Variants in KIF13A observed in about 807,000 individuals in gnomAD.
KIF13A encodes the protein kinesin-like protein KIF13A.
A neutral mutation model predicts 212.2 loss-of-function variants in KIF13A; 79 were observed. The ratio of observed to expected loss-of-function variants is 0.37; its 90% CI spans 0.31 to 0.45. The LOEUF is 0.45. KIF13A is among the 20% of genes least tolerant of loss of function. KIF13A has a pLI of 1.00. For synonymous variants in KIF13A, 789 were observed against 808.6 expected (o/e 0.98, Z 0.41); for missense variants, 1,901 against 2,209.0 (o/e 0.86, Z 2.79).
chr6:17,981,024 CT>C (rs71687340), intron 2 of KIF13A, among the ~76,000 whole-genome samples: 38,168 of 142,472 alleles, frequency 0.27, 5,094 homozygotes, highest in Admixed American at 0.37. Context: ...AAGAGGGGGA[CT>C]TTTTTTTTTT....
rs1203286598 is a variant in KIF13A at position 17,871,674 on chromosome 6, G to GT, written c.220+1702dup. On this transcript the variant is annotated intron_variant, in intron 4 of 38. Coordinates refer to ENST00000259711, the MANE Select transcript of KIF13A (RefSeq NM_022113.6). The surrounding 1 kb of genome is among the most constrained non-coding windows in gnomAD (Gnocchi z 4.4). ...AGTCCCAGAAGAGACAGTGGAGAAG[G>GT]TAGAATGGGGTTATATAATAAAGGA... Among the ~76,000 whole-genome samples, 1 of 152,110 alleles carries GT rather than the reference G, an allele frequency of 6.6e-6. No homozygotes were observed. The highest frequency in any genetic ancestry group is 1.5e-5 in the Non-Finnish European group (1 of 68,034).
intron 17 of KIF13A, among the ~76,000 whole-genome samples, chr6:17,813,278 G>C (rs1431377995): frequency 6.6e-6 from 1 of 152,106 alleles, no homozygotes; most frequent in Non-Finnish European, 1.5e-5. Context: ...TCAGGGGTTC[G>C]AGACCAGCCT....
At chr6:17,909,538 AAAAAAAAAAAGG>A (rs1773842444) in intron 2 of KIF13A, among the ~76,000 whole-genome samples, 1 of 149,736 alleles carries the variant, frequency 6.7e-6, no homozygotes, top group Non-Finnish European at 1.5e-5. Flanking sequence ...CTGTCTCAGA[AAAAAAAAAAAGG>A]AAAAAAAAAA....
chr6:17,955,150 T>A (rs767650231), intron 2 of KIF13A, among the ~76,000 whole-genome samples: 1 of 152,174 alleles, frequency 6.6e-6, no homozygotes, highest in African/African-American at 2.4e-5. Flanking sequence ...ACTATACATG[T>A]CTTTACATTC....
intron 9 of KIF13A, among the ~76,000 whole-genome samples, chr6:17,841,135 C>G (rs1304638097): frequency 6.7e-6 from 1 of 149,250 alleles, no homozygotes; most frequent in Non-Finnish European, 1.5e-5. Context: ...GGCACTGGCA[C>G]AATCATGGCT....
intron 2 of KIF13A, among the ~76,000 whole-genome samples, chr6:17,970,384 C>G (rs1309078316): frequency 6.6e-6 from 1 of 151,716 alleles, no homozygotes; most frequent in African/African-American, 2.4e-5. Flanking sequence ...GTGGGGATCA[C>G]TTGAGGCCAG....
intron 12 of KIF13A, among the ~76,000 whole-genome samples, chr6:17,832,147 G>A (rs1220210226): frequency 1.3e-5 from 2 of 152,150 alleles, no homozygotes; most frequent in Non-Finnish European, 2.9e-5. Flanking sequence ...CTGCTGTTAA[G>A]CTACGTGATT....
intron 3 of KIF13A, among the ~76,000 whole-genome samples, chr6:17,880,460 C>A (rs1770953990): frequency 6.6e-6 from 1 of 151,798 alleles, no homozygotes; most frequent in Non-Finnish European, 1.5e-5. Flanking sequence ...AACCCCATCT[C>A]TACTAAAGAT....
intron 20 of KIF13A, among the ~76,000 whole-genome samples, chr6:17,803,558 C>T (rs946396310): frequency 2.0e-4 from 31 of 152,228 alleles, no homozygotes; most frequent in African/African-American, 7.2e-4. Context: ...CCTACCTAGG[C>T]CACTATATCT....
intron 9 of KIF13A, among the ~76,000 whole-genome samples, chr6:17,840,049 G>A (rs1705343888): frequency 6.6e-6 from 1 of 152,160 alleles, no homozygotes; most frequent in South Asian, 2.1e-4. Context: ...AATCTATAGA[G>A]ATGGAGGCAG....
chr6:17,845,554 T>C (rs776287429), intron 9 of KIF13A, among the ~76,000 whole-genome samples: 9 of 152,182 alleles, frequency 5.9e-5, no homozygotes, highest in Non-Finnish European at 8.8e-5. Context: ...TTGCATTTAG[T>C]GACTAGCCAT....
rs201753966 is a variant in KIF13A at position 17,764,790 on chromosome 6, G to A, written c.4738C>T (p.Arg1580Trp). 86 of 1,613,146 alleles carry A rather than the reference G, an allele frequency of 5.3e-5. No homozygotes were observed. The African/African-American group carries it at 8.8e-4, about 17-fold the overall frequency. The change falls in exon 39 of 39, where the codon CGG (arginine) becomes TGG (tryptophan). Residue 1580 changes from arginine (R) to tryptophan (W), a missense_variant. By Grantham distance (101) the Arg-to-Trp change is moderately radical. Coordinates refer to ENST00000259711, the MANE Select transcript of KIF13A (RefSeq NM_022113.6). This position sits in a 1 kb window ranked among gnomAD's most constrained non-coding sequence, Gnocchi z 5.1. ...CGGGACACTTCTTTCTCCAAGACCC[G>A]TGAGTTTGACAGATCTACTTTAGAG... is the stretch of plus-strand genomic sequence containing the variant. ...FSSKVDLSNS[R>W]VLEKEVSRSP...
chr6:17,854,546 A>AT (rs36073765), intron 6 of KIF13A, among the ~76,000 whole-genome samples: 24,951 of 76,868 alleles, frequency 0.32, 7,843 homozygotes, highest in Non-Finnish European at 0.38. Flanking sequence ...AATCAGTATA[A>AT]TTTTTTTTTT....
At chr6:17,820,232 C>T (rs537880311) in intron 16 of KIF13A, among the ~76,000 whole-genome samples, 23 of 152,210 alleles carry the variant, frequency 1.5e-4, no homozygotes, top group African/African-American at 5.1e-4. Context: ...AATTGAAGTG[C>T]AAATACAGAA....
rs978790016 is a variant in KIF13A, at chr6:17,828,610, T to G, written c.1402-240A>C. Among the ~76,000 whole-genome samples the G allele has an allele frequency of 3.9e-5, 6 of 152,236 alleles. No homozygotes were observed. Among genetic ancestry groups the G allele is most frequent in the Admixed American group, 1.3e-4 (2 of 15,280 alleles). On this transcript the variant is annotated intron_variant, in intron 13 of 38. Transcript: ENST00000259711. The surrounding 1 kb of genome is among the most constrained non-coding windows in gnomAD (Gnocchi z 4.3). ...CCAATCAACAATGATTAGTTATTGTTTTTAACACAGGAAATTGGACTTGAC... is the reference window on the plus strand; with the variant it reads ...CCAATCAACAATGATTAGTTATTGTGTTTAACACAGGAAATTGGACTTGAC...
In KIF13A at chr6:17,987,034, C is replaced by T. The variant is rs1012718699; in HGVS notation, c.146+20G>A. Reference sequence around the variant, plus strand: ...CGCGAGGCTGGATCCTCCCAGCCGCCCTCTCGGAACCCGCTTTACCTTTCT... The same window carrying T: ...CGCGAGGCTGGATCCTCCCAGCCGCTCTCTCGGAACCCGCTTTACCTTTCT... On this transcript the variant is annotated intron_variant, in intron 2 of 38. Coordinates refer to ENST00000259711, the MANE Select transcript of KIF13A (RefSeq NM_022113.6). The surrounding 1 kb of genome is among the most constrained non-coding windows in gnomAD (Gnocchi z 7.7). The T allele has an allele frequency of 8.1e-6, 13 of 1,596,886 alleles. No individual in the cohort carries two copies. Among genetic ancestry groups the T allele is most frequent in the Non-Finnish European group, 1.1e-5 (13 of 1,164,420 alleles).
rs1252771175 is a variant in KIF13A at position 17,898,288 on chromosome 6, G to C, written c.147-108C>G. Reference sequence around the variant, plus strand: ...AAGAGAAAAAAATAAGGTAAATTCAGCACCTTGATAACATGATCTGAAAGA... The same window carrying C: ...AAGAGAAAAAAATAAGGTAAATTCACCACCTTGATAACATGATCTGAAAGA... On this transcript the variant is annotated intron_variant, in intron 2 of 38. Coordinates refer to ENST00000259711, the MANE Select transcript of KIF13A (RefSeq NM_022113.6). This position sits in a 1 kb window ranked among gnomAD's most constrained non-coding sequence, Gnocchi z 5.2. 4.5e-5 allele frequency: 46 copies of C among 1,021,546 alleles called. No individual in the cohort carries two copies. The highest frequency in any genetic ancestry group is 6.3e-5 in the Non-Finnish European group (43 of 678,202). The allele number at this position is 1,021,546 out of a possible 1,614,324, so 63.3% of individuals were successfully genotyped here.
chr6:17,860,637 T>A (rs948771200), intron 4 of KIF13A, among the ~76,000 whole-genome samples: 1 of 151,964 alleles, frequency 6.6e-6, no homozygotes, highest in Non-Finnish European at 1.5e-5. Context: ...AATGTATTTT[T>A]AATTGGGAGC....
rs367921778 is a variant in KIF13A, at chr6:17,987,076, A to G, written c.124T>C (p.Ser42Pro). 1.2e-4 allele frequency: 196 copies of G among 1,613,440 alleles called. No individual in the cohort carries two copies. In the African/African-American group the frequency reaches 1.9e-3, roughly 15 times the overall value. The change falls in exon 2 of 39, where the codon TCT (serine) becomes CCT (proline). Residue 42 changes from serine (S) to proline (P), a missense_variant. Around this residue, in one of 5 missense-constraint regions of KIF13A, gnomAD observed 506 missense variants for 637.4 expected, o/e 0.79. Coordinates refer to ENST00000259711, the MANE Select transcript of KIF13A (RefSeq NM_022113.6). This position sits in a 1 kb window ranked among gnomAD's most constrained non-coding sequence, Gnocchi z 7.7. ...GNQTVLHPPP[S>P]NTKQGERKPP... ...TACCTTTCTCCCTGTTTGGTGTTAG[A>G]AGGAGGAGGGTGCAGGACCGTTTGA...
Sources: allele counts gnomAD v4.1 joint callset (sites outside exome capture counted in the v4.1 genomes callset), GRCh38; gene constraint gnomAD v4.1.1; regional missense constraint gnomAD v4.1.1; non-coding constraint Gnocchi (gnomAD v3.1); transcripts MANE v1.5; gene names NCBI Gene and HGNC (gene_info 2026-07-23, HGNC 2026-07-21).